The following NECTIN3 variants were observed in gnomAD, a reference collection of about 807,000 sequenced individuals.
The protein encoded by NECTIN3 is nectin-3.
NECTIN3 carries 8 observed loss-of-function variants against 49.4 expected under a neutral mutation model. The observed-to-expected ratio is 0.16, with a 90% CI of 0.10 to 0.29. The LOEUF is 0.29. Ranked by LOEUF, NECTIN3 falls within the 10% of genes least tolerant of loss-of-function variation. The pLI is 1.00. For missense variants in NECTIN3, 581 were observed against 654.6 expected (o/e 0.89, Z 1.23); for synonymous variants, 277 against 241.1 (o/e 1.15, Z -1.38).
rs1049288455 is a variant in NECTIN3, at chr3:111,149,900, G to A, written c.1221+2416G>A. Among the ~76,000 whole-genome samples, 6 of 151,830 alleles carry A rather than the reference G, an allele frequency of 4.0e-5. No individual in the cohort carries two copies. The East Asian group carries it at 1.2e-3, about 29-fold the overall frequency. Reference sequence around the variant, plus strand: ...AGAATTTCCTTGCATTAAAATTTTTGAAAACACTGCATTCTATGAATAATG... The same window carrying A: ...AGAATTTCCTTGCATTAAAATTTTTAAAAACACTGCATTCTATGAATAATG... On this transcript the variant is annotated intron_variant, in intron 7 of 8. Coordinates refer to the NECTIN3 transcript ENST00000493615.
chr3:111,148,087 T>G (rs2034920539), intron 7 of NECTIN3, among the ~76,000 whole-genome samples: 1 of 152,206 alleles, frequency 6.6e-6, no homozygotes, highest in Non-Finnish European at 1.5e-5. Context: ...GTTTGTTTTG[T>G]CTTTTTCTCT....
chr3:111,134,776 A>G lies in NECTIN3; in HGVS notation c.*561A>G, dbSNP rs1040602024. 1 of 973,836 alleles carries G rather than the reference A, an allele frequency of 1.0e-6. No individual in the cohort carries two copies. Among genetic ancestry groups the G allele is most frequent in the African/African-American group, 1.8e-5 (1 of 56,932 alleles). The allele number at this position is 973,836 out of a possible 1,614,324, so 60.3% of individuals were successfully genotyped here. On this transcript the variant is annotated 3_prime_UTR_variant, in exon 6 of 6. Transcript: ENST00000485303. ...TTTTCTAAGTTTCTATACAAATGAA[A>G]TCTTTACCTCTGCATATTAATGAGC... is the stretch of plus-strand genomic sequence containing the variant.
chr3:111,077,342 G>T (rs2031279312), intron 1 of NECTIN3: 4 of 29,508 alleles, frequency 1.4e-4, no homozygotes, highest in Non-Finnish European at 1.3e-3. Flanking sequence ...CAACTTTAAT[G>T]GTAAAAAAAA....
exon 6 of NECTIN3, chr3:111,145,023 C>G (rs1449985555): frequency 3.9e-6 from 6 of 1,536,250 alleles, no homozygotes; most frequent in Non-Finnish European, 3.5e-6. Flanking sequence ...AAAGACCATC[C>G]TATCTTGACA....
intron 7 of NECTIN3, among the ~76,000 whole-genome samples, chr3:111,162,816 C>T (rs1466344154): frequency 1.3e-5 from 2 of 152,216 alleles, no homozygotes; most frequent in Admixed American, 6.5e-5. Flanking sequence ...TGTTAGCTGT[C>T]TCTTCAAGGC....
intron 7 of NECTIN3, among the ~76,000 whole-genome samples, chr3:111,161,858 T>G (rs1462424556): frequency 6.6e-6 from 1 of 152,186 alleles, no homozygotes; most frequent in Non-Finnish European, 1.5e-5. Flanking sequence ...TTGGATTGTT[T>G]CTTCTACAGT....
At chr3:111,190,902 T>G (rs2035802767), upstream of NECTIN3, among the ~76,000 whole-genome samples, 1 of 152,152 alleles carries the variant, frequency 6.6e-6, no homozygotes, top group South Asian at 2.1e-4. Flanking sequence ...ATAGGAAAAC[T>G]AGGAGTAAAG....
intron 1 of NECTIN3, among the ~76,000 whole-genome samples, chr3:111,092,413 G>A (rs1188502324): frequency 6.6e-6 from 1 of 152,032 alleles, no homozygotes; most frequent in Non-Finnish European, 1.5e-5. Context: ...TTTCTTCTAG[G>A]AGTTTTTTAG....
chr3:111,074,342 C>G (rs1368723726), intron 1 of NECTIN3: 1 of 385,322 alleles, frequency 2.6e-6, no homozygotes, highest in Non-Finnish European at 5.5e-6. Context: ...CAAGGTTTGG[C>G]ATGTAATTAA....
chr3:111,163,380 G>A (rs1323853886), intron 7 of NECTIN3, among the ~76,000 whole-genome samples: 1 of 152,180 alleles, frequency 6.6e-6, no homozygotes, highest in African/African-American at 2.4e-5. Context: ...CATAAGGCAA[G>A]GTTATGTAAA....
At chr3:111,142,576 A>T (rs1348369364) in intron 5 of NECTIN3, among the ~76,000 whole-genome samples, 4 of 151,896 alleles carry the variant, frequency 2.6e-5, no homozygotes, top group Non-Finnish European at 5.9e-5. Context: ...TTACTTCAAG[A>T]TATTAAAAAT....
intron 1 of NECTIN3, among the ~76,000 whole-genome samples, chr3:111,081,982 A>C (rs1216206365): frequency 6.6e-6 from 1 of 152,144 alleles, no homozygotes; most frequent in Non-Finnish European, 1.5e-5. Flanking sequence ...AATATATTGG[A>C]GCTATGACAG....
chr3:111,165,401 A>G (rs2035300170), intron 7 of NECTIN3, among the ~76,000 whole-genome samples: 3 of 152,094 alleles, frequency 2.0e-5, no homozygotes, highest in Admixed American at 1.3e-4. Flanking sequence ...AACTGATGAA[A>G]TTCTTCAGCC....
chr3:111,079,033 A>G (rs1460549642), intron 1 of NECTIN3, among the ~76,000 whole-genome samples: 1 of 152,098 alleles, frequency 6.6e-6, no homozygotes, highest in Non-Finnish European at 1.5e-5. Flanking sequence ...TAGGACTCCA[A>G]CTAAGTGTCT....
chr3:111,095,903 T>C (rs530897621), intron 1 of NECTIN3, among the ~76,000 whole-genome samples: 124 of 152,326 alleles, frequency 8.1e-4, no homozygotes, highest in Non-Finnish European at 1.1e-3. Flanking sequence ...GTCTCGGGTA[T>C]GTCTTTATCA....
At chr3:111,142,246 T>C (rs973721682), downstream of NECTIN3, among the ~76,000 whole-genome samples, 4 of 152,042 alleles carry the variant, frequency 2.6e-5, no homozygotes, top group South Asian at 2.1e-4. Flanking sequence ...TCCCATATGC[T>C]TATTTAGCAT....
At chr3:111,074,194 G>C (rs1293542350) in intron 1 of NECTIN3, 2 of 455,738 alleles carry the variant, frequency 4.4e-6, no homozygotes, top group Non-Finnish European at 8.8e-6. Flanking sequence ...CTTTGAATAG[G>C]GCACAGATGT....
chr3:111,113,073 G>A (rs2033541627), intron 2 of NECTIN3, among the ~76,000 whole-genome samples: 1 of 152,188 alleles, frequency 6.6e-6, no homozygotes. Context: ...AACAGCTACT[G>A]GCAGTGTGGG....
In NECTIN3 at chr3:111,133,927, A is replaced by G. The variant is rs2034483553; in HGVS notation, c.1362A>G (p.Gln454=). ...CATCAGATATGCAAAAAGAATCACA[A>G]ATAGATGTTCTTCAACAAGATGAGC... ...IPPSDMQKES[Q]IDVLQQDELD... The change falls in exon 6 of 6, where the codon CAA becomes CAG. Residue 454 remains glutamine (Q), a synonymous_variant. Transcript: ENST00000485303. 3.7e-6 allele frequency: 6 copies of G among 1,613,922 alleles called. No homozygotes were observed. In the East Asian group the frequency reaches 1.1e-4, roughly 30 times the overall value.
Sources: allele counts gnomAD v4.1 joint callset (sites outside exome capture counted in the v4.1 genomes callset), GRCh38; gene constraint gnomAD v4.1.1; transcripts MANE v1.5; gene names NCBI Gene and HGNC (gene_info 2026-07-23, HGNC 2026-07-21).